CMIP: variants seen among roughly 807,000 people sequenced by gnomAD.
CMIP encodes the protein C-Maf-inducing protein.
Under a neutral mutation model 97.3 loss-of-function variants are expected in CMIP, and 13 were observed. The ratio of observed to expected loss-of-function variants is 0.13; its 90% CI spans 0.09 to 0.21. CMIP has a LOEUF of 0.21. Among genes scored for constraint, CMIP ranks in the 10% least tolerant of loss-of-function variants. The pLI, the probability that CMIP is intolerant of heterozygous loss-of-function variation, is 1.00. For missense variants in CMIP, 847 were observed against 1,024.9 expected (o/e 0.83, Z 2.37); for synonymous variants, 538 against 436.3 (o/e 1.23, Z -2.91).
At position 81,563,776 on chromosome 16, in the gene CMIP, C is replaced by G. The variant is rs115029687; in HGVS notation, c.301-43791C>G. On this transcript the variant is annotated intron_variant, in intron 1 of 20. Transcript: ENST00000537098. ...CATGGTGCAGAGGTGCCCTGGGAGA[C>G]AGATCAATGTCTAGAAAAGCTTCTG... Among the ~76,000 whole-genome samples, 369 of 152,322 alleles carry G rather than the reference C, an allele frequency of 2.4e-3. 1 individual carries two copies. The highest frequency in any genetic ancestry group is 8.5e-3 in the African/African-American group (353 of 41,580).
intron 8 of CMIP, 25 bp downstream of exon 8, chr16:81,670,270 C>T (rs528074188): frequency 1.3e-6 from 2 of 1,588,628 alleles, no homozygotes; most frequent in Non-Finnish European, 1.7e-6. Flanking sequence ...CGACGTCCCT[C>T]TGTGGCCTAG....
At chr16:81,686,878 AG>A in intron 10 of CMIP, among the ~76,000 whole-genome samples, 1 of 152,226 alleles carries the variant, frequency 6.6e-6, no homozygotes, top group Admixed American at 6.5e-5. Context: ...GTATGTGGGT[AG>A]GGGTCCCGGG....
chr16:81,552,523 C>T (rs1245642932), intron 1 of CMIP, among the ~76,000 whole-genome samples: 1 of 152,174 alleles, frequency 6.6e-6, no homozygotes, highest in Admixed American at 6.5e-5. Context: ...CACCTGCATT[C>T]CTTGGCTTCT....
intron 2 of CMIP, chr16:81,617,110 G>A (rs2091929468): frequency 6.6e-6 from 1 of 152,334 alleles, no homozygotes; most frequent in Non-Finnish European, 1.5e-5. Flanking sequence ...GGAAATGCTG[G>A]TTCCTTCTGT....
chr16:81,617,962 C>CT (rs1397324742), intron 2 of CMIP, among the ~76,000 whole-genome samples: 1 of 152,214 alleles, frequency 6.6e-6, no homozygotes, highest in African/African-American at 2.4e-5. Flanking sequence ...CCTCCACCTT[C>CT]TTTTTGTCTT....
intron 3 of CMIP, chr16:81,645,532 C>G: frequency 6.5e-7 from 1 of 1,536,072 alleles, no homozygotes. Flanking sequence ...TTTCCCTGGC[C>G]TGAGAACCCT....
At chr16:81,513,135 C>T (rs1172097132) in intron 1 of CMIP, among the ~76,000 whole-genome samples, 1 of 152,178 alleles carries the variant, frequency 6.6e-6, no homozygotes, top group African/African-American at 2.4e-5. Context: ...GATTTTGATC[C>T]CTTGCCCTCT....
intron 1 of CMIP, among the ~76,000 whole-genome samples, chr16:81,603,246 G>T (rs148800967): frequency 4.0e-5 from 6 of 151,796 alleles, no homozygotes; most frequent in African/African-American, 1.5e-4. Flanking sequence ...CGCCTGGCTC[G>T]TTTTTTTAGT....
chr16:81,699,201 C>A (rs760430494), intron 14 of CMIP, among the ~76,000 whole-genome samples: 1 of 152,128 alleles, frequency 6.6e-6, no homozygotes, highest in African/African-American at 2.4e-5. Flanking sequence ...TTGCAGTGAG[C>A]CAAGATCGCA....
intron 1 of CMIP, among the ~76,000 whole-genome samples, chr16:81,517,354 A>G (rs1597495916): frequency 6.6e-6 from 1 of 152,396 alleles, no homozygotes; most frequent in Non-Finnish European, 1.5e-5. Flanking sequence ...TCTGTGGAAT[A>G]TGATGCAGCA....
intron 3 of CMIP, among the ~76,000 whole-genome samples, chr16:81,636,487 A>G (rs1285865518): frequency 1.3e-5 from 2 of 151,504 alleles, no homozygotes; most frequent in African/African-American, 4.9e-5. Context: ...AGGCTGAGGC[A>G]TGAGAATCGC....
chr16:81,545,396 G>A (rs768040958), intron 1 of CMIP, among the ~76,000 whole-genome samples: 1 of 152,214 alleles, frequency 6.6e-6, no homozygotes, highest in Non-Finnish European at 1.5e-5. Context: ...CTTAGGTTCT[G>A]TACTAAGATG....
At chr16:81,606,772 C>T (rs550534872) in intron 1 of CMIP, among the ~76,000 whole-genome samples, 2 of 152,126 alleles carry the variant, frequency 1.3e-5, no homozygotes, top group African/African-American at 2.4e-5. Flanking sequence ...TGGTGAGCAC[C>T]GGAAAAGGAG....
Position 81,705,595 on chromosome 16 carries a change from G to T in CMIP, c.2188G>T (p.Ala730Ser), listed in dbSNP as rs1056720205. The T allele has an allele frequency of 1.3e-5, 20 of 1,599,274 alleles. No homozygotes were observed. Among genetic ancestry groups the T allele is most frequent in the Middle Eastern group, 1.6e-4 (1 of 6,072 alleles). ...ETPVTDAGLL[A>S]LSSMKSLCSL... ...CCCGGTCACAGACGCTGGCCTGCTG[G>T]CCCTGAGCTGTGAGTGCCTCCGGGG... The change falls in exon 19 of 21, where the codon GCC becomes TCC. Residue 730 changes from alanine (A) to serine (S), a missense_variant. Ala to Ser is a moderately conservative substitution (Grantham distance 99). This residue lies in a region of CMIP where 266 missense variants were observed against 384.2 expected (regional missense o/e 0.69). Transcript: ENST00000537098.
In CMIP at chr16:81,544,854, C is replaced by T. The variant is rs531554842; in HGVS notation, c.301-62713C>T. 6.8e-4 allele frequency among the ~76,000 whole-genome samples: 104 copies of T among 152,112 alleles called. 1 individual carries two copies. Among genetic ancestry groups the T allele is most frequent in the Non-Finnish European group, 8.8e-5 (6 of 67,962 alleles). ...TGTGCGTGCATGGAGGGCTCTGCTT[C>T]CGGTTTCTGGGGTTGAGTAACTTTA... On this transcript the variant is annotated intron_variant, in intron 1 of 20. Transcript: ENST00000537098.
At chr16:81,686,990 C>T (rs1174066280) in intron 10 of CMIP, among the ~76,000 whole-genome samples, 1 of 152,130 alleles carries the variant, frequency 6.6e-6, no homozygotes. Flanking sequence ...CTCCCCAACA[C>T]AGACCACTGG....
Position 81,701,720 on chromosome 16 carries a change from A to T in CMIP, c.1816A>T (p.Ile606Phe). The T allele has an allele frequency of 1.2e-6, 2 of 1,613,944 alleles. No homozygotes were observed. Among genetic ancestry groups the T allele is most frequent in the Non-Finnish European group, 1.7e-6 (2 of 1,179,876 alleles). The change falls in exon 16 of 21, where the codon ATC becomes TTC. Residue 606 changes from isoleucine to phenylalanine, a missense_variant. By Grantham distance (21) the Ile-to-Phe change is conservative (BLOSUM62 0). This residue lies in a region of CMIP where 266 missense variants were observed against 384.2 expected (regional missense o/e 0.69). Coordinates refer to ENST00000537098, the MANE Select transcript of CMIP (RefSeq NM_198390.3). ...CAACAACGACACCCAACTGCAGATC[A>T]TCTCAACCCTGGAGAGCACAGACGT... ...IDNNDTQLQI[I>F]STLESTDVGK...
At chr16:81,501,981 T>C (rs1289992457) in intron 1 of CMIP, among the ~76,000 whole-genome samples, 1 of 152,198 alleles carries the variant, frequency 6.6e-6, no homozygotes, top group African/African-American at 2.4e-5. Context: ...CTGGGGATGA[T>C]GGGAGGACTT....
chr16:81,513,459 G>A (rs577265549), intron 1 of CMIP, among the ~76,000 whole-genome samples: 4 of 152,334 alleles, frequency 2.6e-5, no homozygotes, highest in Admixed American at 2.6e-4. Flanking sequence ...TGGCTGGAGT[G>A]GGCTCCTTTC....
Sources: allele counts gnomAD v4.1 joint callset (sites outside exome capture counted in the v4.1 genomes callset), GRCh38; gene constraint gnomAD v4.1.1; regional missense constraint gnomAD v4.1.1; transcripts MANE v1.5; gene names NCBI Gene and HGNC (gene_info 2026-07-23, HGNC 2026-07-21).